The following CFAP47 variants were observed in gnomAD, a reference collection of about 807,000 sequenced individuals.
CFAP47 encodes cilia- and flagella-associated protein 47.
A neutral mutation model predicts 148.1 loss-of-function variants in CFAP47; 29 were observed. That is an observed-to-expected ratio of 0.20 (90% confidence interval 0.15 to 0.27). The LOEUF is 0.27. CFAP47 is among the 10% of genes least tolerant of loss of function. The pLI is 1.00. For missense variants in CFAP47, 1,872 were observed against 1,697.5 expected (o/e 1.10, Z -1.81); for synonymous variants, 664 against 577.3 (o/e 1.15, Z -2.15).
At chrX:36,125,277 A>G (rs917557286) in intron 33 of CFAP47, among the ~76,000 whole-genome samples, 2 of 111,762 alleles carry the variant, frequency 1.8e-5, no homozygotes, top group African/African-American at 3.2e-5. Flanking sequence ...TTAGAGATGT[A>G]GTAGTGAACA....
chrX:36,356,589 T>G (rs1556018484), intron 60 of CFAP47, among the ~76,000 whole-genome samples: 1 of 111,007 alleles, frequency 9.0e-6, no homozygotes, highest in East Asian at 2.8e-4. Context: ...TTTTTCTTTA[T>G]GAAAGGACAA....
intron 49 of CFAP47, among the ~76,000 whole-genome samples, chrX:36,278,539 G>A (rs1941042806): frequency 8.9e-6 from 1 of 112,204 alleles, no homozygotes; most frequent in African/African-American, 3.2e-5. Flanking sequence ...CAAACCCCTT[G>A]TGCTTCCTAG....
chrX:35,951,459 C>G, intron 5 of CFAP47, 100 bp downstream of exon 5: 1 of 601,425 alleles, frequency 1.7e-6, no homozygotes, highest in South Asian at 3.4e-5. Context: ...TTCAAAATAT[C>G]TTTTAACATG....
At chrX:36,097,414 T>C (rs1938297259) in intron 30 of CFAP47, among the ~76,000 whole-genome samples, 1 of 111,817 alleles carries the variant, frequency 8.9e-6, no homozygotes, top group Non-Finnish European at 1.9e-5. Flanking sequence ...TGTTGGCATG[T>C]CTTGTGTTGA....
intron 57 of CFAP47, among the ~76,000 whole-genome samples, chrX:36,335,833 A>G (rs1172644525): frequency 1.8e-5 from 2 of 111,471 alleles, no homozygotes; most frequent in Non-Finnish European, 3.8e-5. Flanking sequence ...TAATATTACA[A>G]GATGTCATCA....
chrX:36,066,955 G>A (rs945275906), intron 27 of CFAP47, among the ~76,000 whole-genome samples: 2 of 112,042 alleles, frequency 1.8e-5, no homozygotes, highest in Non-Finnish European at 1.9e-5. Context: ...TAAGGAAGAA[G>A]AATTTATCCA....
intron 2 of CFAP47, 57 bp from the exon 3 acceptor site, chrX:35,941,226 C>T: frequency 4.9e-6 from 3 of 615,393 alleles, no homozygotes; most frequent in Non-Finnish European, 7.8e-6. Context: ...ACATATTTAG[C>T]TATCAGGCTC....
intron 26 of CFAP47, among the ~76,000 whole-genome samples, chrX:36,056,006 T>C (rs1445138495): frequency 9.4e-6 from 1 of 106,592 alleles, no homozygotes; most frequent in African/African-American, 3.4e-5. Context: ...TTTAATGGGG[T>C]TGTTTTTTTC....
chrX:36,328,948 C>T (rs782720548), intron 57 of CFAP47, among the ~76,000 whole-genome samples: 1 of 111,178 alleles, frequency 9.0e-6, no homozygotes, highest in East Asian at 2.8e-4. Context: ...CAAGGGAAAG[C>T]CCAGTTTTAG....
intron 8 of CFAP47, 70 bp downstream of exon 8, chrX:35,956,266 G>A: frequency 1.2e-6 from 1 of 810,876 alleles, no homozygotes; most frequent in Non-Finnish European, 1.8e-6. Flanking sequence ...CTATGCGGAG[G>A]ATTAGAAACA....
At chrX:36,333,593 C>T (rs368136317) in intron 57 of CFAP47, among the ~76,000 whole-genome samples, 1 of 111,675 alleles carries the variant, frequency 9.0e-6, no homozygotes, top group Middle Eastern at 4.7e-3. Flanking sequence ...TCCTTGTTGA[C>T]GTCAATATCC....
At chrX:36,204,360 A>G (rs1940015684) in intron 44 of CFAP47, among the ~76,000 whole-genome samples, 1 of 110,254 alleles carries the variant, frequency 9.1e-6, no homozygotes, top group African/African-American at 3.3e-5. Flanking sequence ...GTTCTCACTC[A>G]TAGGTGGGAA....
intron 46 of CFAP47, among the ~76,000 whole-genome samples, chrX:36,229,658 C>G (rs1042140038): frequency 2.7e-5 from 3 of 109,458 alleles, no homozygotes; most frequent in Non-Finnish European, 5.7e-5. Context: ...TGTGCACAAT[C>G]TGCAGGTTAG....
intron 2 of CFAP47, among the ~76,000 whole-genome samples, chrX:35,927,596 G>GGTGTGTGTGTGTGTGT (rs371527797): frequency 9.4e-6 from 1 of 106,298 alleles, no homozygotes; most frequent in African/African-American, 3.4e-5. Context: ...GTTGAAGGAA[G>GGTGTGTGTGTGTGTGT]GTGTGTGTGT....
intron 35 of CFAP47, among the ~76,000 whole-genome samples, chrX:36,144,108 C>T (rs1481782681): frequency 8.9e-6 from 1 of 112,187 alleles, no homozygotes; most frequent in Non-Finnish European, 1.9e-5. Context: ...CTTTTCCTCA[C>T]ATCAAATACA....
At chrX:36,166,879 G>T (rs1378352358) in intron 39 of CFAP47, among the ~76,000 whole-genome samples, 1 of 111,442 alleles carries the variant, frequency 9.0e-6, no homozygotes, top group Non-Finnish European at 1.9e-5. Flanking sequence ...ACCGTCTTTG[G>T]CATGCCCACA....
chrX:35,989,686 G>A, intron 16 of CFAP47: 1 of 796,570 alleles, frequency 1.3e-6, no homozygotes, highest in Non-Finnish European at 1.7e-6. Context: ...ATACTTGATG[G>A]ATTAAAAATG....
intron 37 of CFAP47, among the ~76,000 whole-genome samples, chrX:36,155,220 C>T (rs1325439869): frequency 9.0e-6 from 1 of 111,483 alleles, no homozygotes; most frequent in African/African-American, 3.3e-5. Context: ...CTCATCTATC[C>T]TTGAATTTTC....
rs369263275 is a variant in CFAP47 at position 36,148,901 on chromosome X, A to G, written c.5671-207A>G. Among the ~76,000 whole-genome samples, 336 of 92,264 alleles carry G rather than the reference A, an allele frequency of 3.6e-3. 2 individuals carry two copies. The highest frequency in any genetic ancestry group is 0.012 in the African/African-American group (303 of 24,546). 80.1% of individuals were successfully genotyped at this position (92,264 alleles called of 115,157 possible). A position where few individuals can be genotyped will look rare whatever the true frequency, so the allele number is the denominator to read the frequency against. On this transcript the variant is annotated intron_variant, in intron 36 of 63. Transcript: ENST00000378653. ...TGCCCACTTCAGCTAAACTGTATGT[A>G]TGTGTGTGTGTGTGTGTGTGTGTGT...
Sources: gnomAD v4.1 joint callset for allele counts (sites outside exome capture counted in the v4.1 genomes callset) on GRCh38, gnomAD v4.1.1 for gene constraint, MANE v1.5 for transcripts, NCBI Gene and HGNC (gene_info 2026-07-23, HGNC 2026-07-21) for gene names.